The following TMEM177 variants were observed in gnomAD, a reference collection of about 807,000 sequenced individuals.
The protein encoded by TMEM177 is transmembrane protein 177.
Under a neutral mutation model 14.2 loss-of-function variants are expected in TMEM177, and 4 were observed. That is an observed-to-expected ratio of 0.28 (90% CI 0.14 to 0.64). The LOEUF (loss-of-function observed/expected upper bound fraction) is 0.64, where lower values mean the gene tolerates loss of function less well. Among genes scored for constraint, TMEM177 ranks in the 30% least tolerant of loss-of-function variants. TMEM177 has a pLI of 0.82. For missense variants in TMEM177, 344 were observed against 405.2 expected, an observed-to-expected ratio of 0.85 and a Z score of 1.30; for synonymous variants, 179 against 174.5, an observed-to-expected ratio of 1.03 and a Z score of -0.20.
the TMEM177 span, chr2:119,700,024 G>GCTCT: frequency 3.2e-6 from 1 of 309,508 alleles, no homozygotes; most frequent in Admixed American, 3.5e-5. Context: ...CCACACATGA[G>GCTCT]CTCTCCCTGC....
chr2:119,680,721 C>T, intron 1 of TMEM177, 111 bp from the exon 2 acceptor site: 1 of 796,282 alleles, frequency 1.3e-6, no homozygotes, highest in Non-Finnish European at 2.0e-6. Flanking sequence ...CCACACTCTT[C>T]ACCACTATGC....
At chr2:119,701,655 C>T in the TMEM177 span, among the ~76,000 whole-genome samples, 1 of 152,330 alleles carries the variant, frequency 6.6e-6, no homozygotes, top group East Asian at 1.9e-4. Flanking sequence ...TAGACAGAGC[C>T]GGTTTATCAA....
chr2:119,681,083 G>A lies in TMEM177; in HGVS notation c.230G>A (p.Gly77Asp). The A allele has an allele frequency of 6.2e-7, 1 of 1,614,224 alleles. No individual in the cohort carries two copies. Among genetic ancestry groups the A allele is most frequent in the Non-Finnish European group, 8.5e-7 (1 of 1,180,048 alleles). ...EVLQDIGVPSGHCYKPFTTFT... is the reference protein window; with the variant it reads ...EVLQDIGVPSDHCYKPFTTFT... ...CTACAGGACATAGGTGTTCCTTCAG[G>A]CCATTGCTACAAGCCCTTCACCACC... The change falls in exon 2 of 2, where the codon GGC (glycine) becomes GAC (aspartate). Residue 77 changes from glycine to aspartate, a missense_variant. Physicochemically the swap from Gly to Asp is moderately conservative, Grantham distance 94. Coordinates refer to ENST00000272521, the MANE Select transcript of TMEM177 (RefSeq NM_030577.3).
At chr2:119,685,914 A>G (rs1689006651), downstream of TMEM177, 5 of 567,790 alleles carry the variant, frequency 8.8e-6, no homozygotes, top group Admixed American at 1.3e-4. Context: ...GTCACTGAGC[A>G]GAACTTCCGA....
Position 119,681,955 on chromosome 2 carries a change from G to A in TMEM177, c.*166G>A. The A allele has an allele frequency of 1.6e-6, 1 of 630,360 alleles. No individual in the cohort carries two copies. The highest frequency in any genetic ancestry group is 2.1e-5 in the South Asian group (1 of 48,126). The allele number at this position is 630,360 out of a possible 1,614,324, so 39.0% of individuals were successfully genotyped here. Reference sequence around the variant, plus strand: ...TATAACCACTACTTATGAACTCAGGGACTATGAGGGACTATTCAGGGGCTA... The same window carrying A: ...TATAACCACTACTTATGAACTCAGGAACTATGAGGGACTATTCAGGGGCTA... On this transcript the variant is annotated 3_prime_UTR_variant, in exon 2 of 2. Transcript: ENST00000272521.
the TMEM177 span, among the ~76,000 whole-genome samples, chr2:119,693,997 C>A: frequency 9.6e-3 from 11 of 1,150 alleles, no homozygotes; most frequent in South Asian, 0.023. Flanking sequence ...CACCACACAC[C>A]ACATACGCAT....
downstream of TMEM177, among the ~76,000 whole-genome samples, chr2:119,691,132 CG>C (rs1339166917): frequency 6.6e-6 from 1 of 152,116 alleles, no homozygotes; most frequent in Non-Finnish European, 1.5e-5. Flanking sequence ...GTGCCCTTGC[CG>C]GGGGGCAAAT....
At chr2:119,680,789 C>G (rs1289649142) in intron 1 of TMEM177, 43 bp from the exon 2 acceptor site, 5 of 1,507,570 alleles carry the variant, frequency 3.3e-6, no homozygotes, top group Non-Finnish European at 3.6e-6. Flanking sequence ...AGTCTGCAGG[C>G]TGACCCAGGG....
chr2:119,694,141 A>G, the TMEM177 span, among the ~76,000 whole-genome samples: 1 of 50,032 alleles, frequency 2.0e-5, no homozygotes, highest in Non-Finnish European at 4.4e-5. Context: ...CGCACATTGC[A>G]CGTACCACAC....
the TMEM177 span, among the ~76,000 whole-genome samples, chr2:119,712,119 C>A: frequency 6.6e-6 from 1 of 151,856 alleles, no homozygotes; most frequent in African/African-American, 2.4e-5. Flanking sequence ...CGTTAAGGCA[C>A]CCCTTGATGC....
At chr2:119,720,216 C>CA in the TMEM177 span, among the ~76,000 whole-genome samples, 10 of 150,922 alleles carry the variant, frequency 6.6e-5, no homozygotes, top group Non-Finnish European at 1.0e-4. Context: ...AAGCCCAGTG[C>CA]AAAAAAAGAA....
chr2:119,692,488 C>T, the TMEM177 span, among the ~76,000 whole-genome samples: 6 of 152,350 alleles, frequency 3.9e-5, no homozygotes, highest in African/African-American at 1.4e-4. Context: ...CTGACGAGGT[C>T]GGCGCTGGGG....
the TMEM177 span, among the ~76,000 whole-genome samples, chr2:119,694,334 T>TCA: frequency 1.1e-4 from 16 of 148,854 alleles, no homozygotes; most frequent in Admixed American, 2.0e-4. Flanking sequence ...TCACCTCACC[T>TCA]CACACACACA....
downstream of TMEM177, among the ~76,000 whole-genome samples, chr2:119,688,207 C>T (rs559624949): frequency 1.3e-5 from 2 of 152,222 alleles, no homozygotes; most frequent in South Asian, 4.1e-4. Context: ...GAGGTACAAT[C>T]TGCATGGTGA....
chr2:119,713,315 G>A, the TMEM177 span, among the ~76,000 whole-genome samples: 4 of 152,044 alleles, frequency 2.6e-5, no homozygotes, highest in East Asian at 1.9e-4. Flanking sequence ...TGATCTGCCC[G>A]CCTCAGCCTC....
At chr2:119,695,237 G>T in the TMEM177 span, among the ~76,000 whole-genome samples, 1 of 152,232 alleles carries the variant, frequency 6.6e-6, no homozygotes. Context: ...AAAACGCCAT[G>T]TCTTCATTCT....
At chr2:119,689,261 A>G (rs563843361), downstream of TMEM177, among the ~76,000 whole-genome samples, 1 of 152,292 alleles carries the variant, frequency 6.6e-6, no homozygotes, top group Admixed American at 6.5e-5. Flanking sequence ...TCCTGGGGAC[A>G]CTTGCTGTGA....
the TMEM177 span, among the ~76,000 whole-genome samples, chr2:119,696,916 C>T: frequency 3.3e-5 from 5 of 152,092 alleles, no homozygotes; most frequent in African/African-American, 7.2e-5. Flanking sequence ...GGAGTTTTCC[C>T]CACCTGTGTC....
the TMEM177 span, among the ~76,000 whole-genome samples, chr2:119,707,995 G>A: frequency 6.6e-6 from 1 of 152,228 alleles, no homozygotes; most frequent in Non-Finnish European, 1.5e-5. Flanking sequence ...GCCTGCTGTG[G>A]TTTCTGTTTT....
Sources: gnomAD v4.1 joint callset for allele counts (sites outside exome capture counted in the v4.1 genomes callset) on GRCh38, gnomAD v4.1.1 for gene constraint, MANE v1.5 for transcripts, NCBI Gene and HGNC (gene_info 2026-07-23, HGNC 2026-07-21) for gene names.